CFAP141: variants seen among roughly 807,000 people sequenced by gnomAD.
CFAP141 encodes cilia- and flagella-associated protein 141.
chr1:154,201,199 C>T, the CFAP141 span, among the ~76,000 whole-genome samples: 16 of 150,872 alleles, frequency 1.1e-4, no homozygotes, highest in African/African-American at 3.4e-4. Context: ...GGTGTGATCT[C>T]GGCTCACTGC....
the CFAP141 span, chr1:154,200,431 G>C: frequency 6.2e-7 from 1 of 1,612,538 alleles, no homozygotes; most frequent in East Asian, 2.2e-5. Context: ...TAGTGAATGA[G>C]ACTTCAGGTT....
the CFAP141 span, chr1:154,206,267 C>G: frequency 3.1e-6 from 5 of 1,613,972 alleles, no homozygotes; most frequent in Non-Finnish European, 4.2e-6. Flanking sequence ...CCTTCCAACT[C>G]TGCATACCTC....
chr1:154,201,200 G>A, the CFAP141 span, among the ~76,000 whole-genome samples: 1 of 151,374 alleles, frequency 6.6e-6, no homozygotes, highest in Non-Finnish European at 1.5e-5. Context: ...GTGTGATCTC[G>A]GCTCACTGCA....
the CFAP141 span, among the ~76,000 whole-genome samples, chr1:154,202,995 C>G: frequency 6.7e-6 from 1 of 149,052 alleles, no homozygotes; most frequent in Admixed American, 6.7e-5. Context: ...GTGCCACACA[C>G]CTGTAATCCC....
At chr1:154,199,836 G>C in the CFAP141 span, among the ~76,000 whole-genome samples, 1 of 152,060 alleles carries the variant, frequency 6.6e-6, no homozygotes, top group South Asian at 2.1e-4. Context: ...GAGAGAGAGA[G>C]GTACCGAGAG....
the CFAP141 span, chr1:154,205,602 C>T: frequency 3.7e-6 from 6 of 1,613,896 alleles, no homozygotes; most frequent in Middle Eastern, 1.6e-4. Flanking sequence ...GATTACCTGT[C>T]GACCGTCTTC....
At chr1:154,199,270 G>GA in the CFAP141 span, 1 of 546,002 alleles carries the variant, frequency 1.8e-6, no homozygotes, top group East Asian at 2.9e-5. Context: ...AAGGATTAAC[G>GA]AGAGAGTGGA....
chr1:154,204,424 A>G, the CFAP141 span, among the ~76,000 whole-genome samples: 285 of 152,238 alleles, frequency 1.9e-3, 1 homozygote, highest in African/African-American at 6.6e-3. Context: ...AGAACTAGGC[A>G]TCAGTGCTTA....
the CFAP141 span, among the ~76,000 whole-genome samples, chr1:154,203,918 C>T: frequency 8.7e-4 from 133 of 152,178 alleles, no homozygotes; most frequent in African/African-American, 2.6e-3. Flanking sequence ...TGGTGAAACT[C>T]CGACTCTACT....
the CFAP141 span, chr1:154,205,644 A>G: frequency 1.2e-6 from 2 of 1,613,774 alleles, no homozygotes; most frequent in Non-Finnish European, 1.7e-6. Context: ...AAACTCTGCA[A>G]GAAAAGGTAG....
the CFAP141 span, among the ~76,000 whole-genome samples, chr1:154,205,072 CAG>C: frequency 6.6e-6 from 1 of 151,294 alleles, no homozygotes; most frequent in African/African-American, 2.4e-5. Flanking sequence ...TTAGTAGAGA[CAG>C]GGTTTCACCA....
At chr1:154,205,764 G>T in the CFAP141 span, 2 of 805,798 alleles carry the variant, frequency 2.5e-6, no homozygotes, top group Non-Finnish European at 4.1e-6. Context: ...GAGTGCAGTG[G>T]CGTGATCTCG....
At chr1:154,204,941 G>A in the CFAP141 span, among the ~76,000 whole-genome samples, 1 of 151,172 alleles carries the variant, frequency 6.6e-6, no homozygotes, top group East Asian at 1.9e-4. Context: ...GAGTGCAGTG[G>A]TGCGATCTTG....
chr1:154,199,669 G>A, the CFAP141 span: 2 of 606,516 alleles, frequency 3.3e-6, no homozygotes, highest in South Asian at 4.9e-5. Context: ...TGGTAGCAGA[G>A]AGGCTGAACC....
chr1:154,204,877 T>G, the CFAP141 span, among the ~76,000 whole-genome samples: 17 of 150,676 alleles, frequency 1.1e-4, no homozygotes, highest in African/African-American at 4.2e-4. Flanking sequence ...CAGTGTTTTT[T>G]TTTTTTTTTT....
At chr1:154,206,252 C>A in the CFAP141 span, 1 of 1,612,390 alleles carries the variant, frequency 6.2e-7, no homozygotes, top group Non-Finnish European at 8.5e-7. Flanking sequence ...TTCAACCCAG[C>A]CCCTCCTTCC....
the CFAP141 span, among the ~76,000 whole-genome samples, chr1:154,201,997 C>T: frequency 4.7e-5 from 7 of 150,490 alleles, no homozygotes; most frequent in South Asian, 6.3e-4. Flanking sequence ...AGTGCAGTGG[C>T]GCAATCTGGG....
chr1:154,203,352 C>G, the CFAP141 span, among the ~76,000 whole-genome samples: 1 of 148,180 alleles, frequency 6.7e-6, no homozygotes, highest in African/African-American at 2.5e-5. Context: ...CTCTGCCTCC[C>G]AGGTTCAAGC....
the CFAP141 span, among the ~76,000 whole-genome samples, chr1:154,205,005 C>A: frequency 6.6e-6 from 1 of 151,872 alleles, no homozygotes; most frequent in Non-Finnish European, 1.5e-5. Context: ...CCTCAGCCTC[C>A]CGAGTAGCTG....
Sources: gnomAD v4.1 joint callset for allele counts (sites outside exome capture counted in the v4.1 genomes callset) on GRCh38, gnomAD v4.1.1 for gene constraint, MANE v1.5 for transcripts, NCBI Gene and HGNC (gene_info 2026-07-23, HGNC 2026-07-21) for gene names.